The following TNRC6B variants were observed in gnomAD, a reference collection of about 807,000 sequenced individuals.
TNRC6B encodes trinucleotide repeat containing adaptor 6B, also known as trinucleotide repeat-containing gene 6B protein.
TNRC6B carries 52 observed loss-of-function variants against 203.6 expected under a neutral mutation model. The ratio of observed to expected loss-of-function variants is 0.26; its 90% CI spans 0.20 to 0.32. The LOEUF is 0.32. Among genes scored for constraint, TNRC6B ranks in the 10% least tolerant of loss-of-function variants. The probability of loss-of-function intolerance (pLI) is 1.00; values close to 1 mark genes in which losing one functional copy is unlikely to be tolerated. For synonymous variants in TNRC6B, 838 were observed against 845.7 expected (o/e 0.99, Z 0.16); for missense variants, 1,923 against 2,286.2 (o/e 0.84, Z 3.24).
At chr22:40,115,783 G>C (rs1020627759) in intron 1 of TNRC6B, among the ~76,000 whole-genome samples, 2 of 152,142 alleles carry the variant, frequency 1.3e-5, no homozygotes, top group African/African-American at 4.8e-5. Flanking sequence ...TGTGTGTTGT[G>C]AGTAAGGAAA....
At chr22:40,063,058 TC>T (rs1412718131) in intron 1 of TNRC6B, among the ~76,000 whole-genome samples, 1 of 152,246 alleles carries the variant, frequency 6.6e-6, no homozygotes, top group African/African-American at 2.4e-5. Context: ...TAGTTTTAAC[TC>T]TTACATTTAC....
intron 12 of TNRC6B, among the ~76,000 whole-genome samples, chr22:40,290,933 C>T (rs985807565): frequency 6.6e-6 from 1 of 152,178 alleles, no homozygotes; most frequent in Non-Finnish European, 1.5e-5. Context: ...ACCAAAGTGT[C>T]TGCTCTACCC....
chr22:40,285,650 T>G lies in TNRC6B; in HGVS notation c.3588T>G (p.Gly1196=), dbSNP rs1276337744. The G allele has an allele frequency of 1.2e-6, 2 of 1,612,134 alleles. No homozygotes were observed. The highest frequency in any genetic ancestry group is 1.7e-6 in the Non-Finnish European group (2 of 1,179,528). The change falls in exon 12 of 23, where the codon GGT becomes GGG. Residue 1196 remains glycine (G), a synonymous_variant. Coordinates refer to ENST00000454349, the MANE Select transcript of TNRC6B (RefSeq NM_001162501.2). ...NPQNFAARQG[G]SHGLFGNSTA... is the part of the protein sequence containing the mutation. ...TGCTGCTTTTCTGTTTACAGGGCGG[T>G]AGTCATGGTTTGTTTGGAAACAGCA...
chr22:40,062,892 TA>T (rs1276704563), intron 1 of TNRC6B, among the ~76,000 whole-genome samples: 2 of 152,184 alleles, frequency 1.3e-5, no homozygotes, highest in African/African-American at 4.8e-5. Context: ...AATTTTCTCC[TA>T]ATCTGCAGGT....
chr22:40,316,621 C>T (rs898989957), intron 21 of TNRC6B, among the ~76,000 whole-genome samples: 6 of 152,116 alleles, frequency 3.9e-5, no homozygotes, highest in African/African-American at 1.4e-4. Context: ...GTGCAAGACC[C>T]TTTCTCAAAA....
chr22:40,186,700 T>C (rs1043345171), intron 1 of TNRC6B, among the ~76,000 whole-genome samples: 1 of 148,488 alleles, frequency 6.7e-6, no homozygotes, highest in African/African-American at 2.5e-5. Flanking sequence ...ATCACGCCAC[T>C]GAACTCCAGC....
At chr22:40,176,122 CT>C (rs984617603), upstream of TNRC6B, among the ~76,000 whole-genome samples, 2,470 of 131,974 alleles carry the variant, frequency 0.019, 35 homozygotes, top group Middle Eastern at 0.047. Flanking sequence ...TTCTCATGCA[CT>C]TTTTTTTTTT....
chr22:40,251,263 G>T, intron 3 of TNRC6B, 63 bp downstream of exon 3: 1 of 1,316,338 alleles, frequency 7.6e-7, no homozygotes, highest in Non-Finnish European at 1.0e-6. Context: ...TTACACTGTT[G>T]CTGACTCAGC....
chr22:40,177,930 CAGAG>C lies in TNRC6B; in HGVS notation c.-203_-200del, dbSNP rs906612397. On this transcript the variant is annotated 5_prime_UTR_variant, in exon 1 of 23. Transcript: ENST00000454349. ...CACAAAAAGCTGCTTCCTTTAGAGA[CAGAG>C]AGGGAGAGAGAGAGCAAGAGGGAGA... 28 of 1,354,340 alleles carry C rather than the reference CAGAG, an allele frequency of 2.1e-5. 1 individual carries two copies. The highest frequency in any genetic ancestry group is 2.7e-4 in the Middle Eastern group (1 of 3,690). The allele number at this position is 1,354,340 out of a possible 1,614,324, so 83.9% of individuals were successfully genotyped here. A position where few individuals can be genotyped will look rare whatever the true frequency, so the allele number is the denominator to read the frequency against.
chr22:40,244,865 G>A (rs1328594788), intron 1 of TNRC6B, among the ~76,000 whole-genome samples: 3 of 152,180 alleles, frequency 2.0e-5, no homozygotes, highest in Non-Finnish European at 4.4e-5. Context: ...GATACATAGA[G>A]TGAAAGTTGA....
chr22:40,172,462 T>A (rs115814407), intron 4 of TNRC6B, among the ~76,000 whole-genome samples: 6 of 152,350 alleles, frequency 3.9e-5, no homozygotes, highest in African/African-American at 1.4e-4. Context: ...AGTTTAACTG[T>A]CCCTGTATCG....
At chr22:40,321,894 G>C (rs1184695316) in intron 22 of TNRC6B, 2 of 152,268 alleles carry the variant, frequency 1.3e-5, no homozygotes, top group Admixed American at 6.5e-5. Context: ...GGTCTTGGGG[G>C]GTAGCAGGGT....
intron 1 of TNRC6B, among the ~76,000 whole-genome samples, chr22:40,231,599 A>G (rs1329856278): frequency 6.6e-6 from 1 of 152,010 alleles, no homozygotes; most frequent in Non-Finnish European, 1.5e-5. Context: ...TTGATCTTGT[A>G]TTTTGCAGCC....
At chr22:40,193,553 T>G (rs976721888) in intron 1 of TNRC6B, among the ~76,000 whole-genome samples, 17 of 152,158 alleles carry the variant, frequency 1.1e-4, no homozygotes, top group African/African-American at 4.1e-4. Flanking sequence ...ATCTGTGGAC[T>G]GCAGCCTGGC....
intron 1 of TNRC6B, among the ~76,000 whole-genome samples, chr22:40,114,685 C>T (rs1304581101): frequency 6.6e-6 from 1 of 152,096 alleles, no homozygotes; most frequent in African/African-American, 2.4e-5. Flanking sequence ...TGATTTAACC[C>T]AAGATCCACT....
intron 1 of TNRC6B, among the ~76,000 whole-genome samples, chr22:40,071,944 A>G (rs772926252): frequency 6.6e-6 from 1 of 152,186 alleles, no homozygotes; most frequent in African/African-American, 2.4e-5. Context: ...TATAACCTCA[A>G]ACACCTAGGC....
At chr22:40,187,235 A>G (rs1444367342) in intron 1 of TNRC6B, among the ~76,000 whole-genome samples, 1 of 152,204 alleles carries the variant, frequency 6.6e-6, no homozygotes, top group Non-Finnish European at 1.5e-5. Context: ...GAAAATACCC[A>G]AAATGGTTTA....
At chr22:40,144,478 A>G (rs1198592642) in intron 3 of TNRC6B, among the ~76,000 whole-genome samples, 2 of 151,610 alleles carry the variant, frequency 1.3e-5, no homozygotes, top group African/African-American at 4.8e-5. Context: ...GATCGAGACC[A>G]TCCTGGCTAA....
intron 3 of TNRC6B, among the ~76,000 whole-genome samples, chr22:40,139,121 G>A (rs2068624381): frequency 6.6e-6 from 1 of 152,124 alleles, no homozygotes. Context: ...CCCAGGCACA[G>A]GCAACCACTA....
Sources: allele counts gnomAD v4.1 joint callset (sites outside exome capture counted in the v4.1 genomes callset), GRCh38; gene constraint gnomAD v4.1.1; transcripts MANE v1.5; gene names NCBI Gene and HGNC (gene_info 2026-07-23, HGNC 2026-07-21).